CCDC66: variants seen among roughly 807,000 people sequenced by gnomAD.
The protein encoded by CCDC66 is coiled-coil domain containing 66.
Under a neutral mutation model 128.3 loss-of-function variants are expected in CCDC66, and 133 were observed. The observed-to-expected ratio is 1.04, with a 90% confidence interval of 0.90 to 1.20. CCDC66 has a LOEUF of 1.20. CCDC66 is among the 50% of genes most tolerant of loss of function. CCDC66 has a pLI of 0.00. For missense variants in CCDC66, 1,126 were observed against 1,075.5 expected (o/e 1.05, Z -0.66); for synonymous variants, 387 against 357.0 (o/e 1.08, Z -0.95).
chr3:56,569,746 C>T (rs1167187458), intron 6 of CCDC66: 1 of 152,218 alleles, frequency 6.6e-6, no homozygotes, highest in African/African-American at 2.4e-5. Context: ...TCTTTCAGCA[C>T]ATTCCACATC....
intron 6 of CCDC66, 62 bp from the exon 7 acceptor site, chr3:56,571,119 T>G (rs2066555953): frequency 7.8e-7 from 1 of 1,274,550 alleles, no homozygotes; most frequent in South Asian, 1.5e-5. Flanking sequence ...AGGTCAGATT[T>G]GTTTACATGG....
intron 7 of CCDC66, among the ~76,000 whole-genome samples, chr3:56,578,577 C>T (rs1318759899): frequency 1.3e-5 from 2 of 151,690 alleles, no homozygotes; most frequent in Non-Finnish European, 1.5e-5. Flanking sequence ...TTTTGAGATA[C>T]GTTCCATCAA....
At chr3:56,599,844 T>A (rs910846113) in intron 10 of CCDC66, among the ~76,000 whole-genome samples, 1 of 152,120 alleles carries the variant, frequency 6.6e-6, no homozygotes, top group African/African-American at 2.4e-5. Context: ...ATGAAAAGAA[T>A]GTGTATTCTC....
intron 14 of CCDC66, 196 bp from the exon 15 acceptor site, chr3:56,617,972 TAGAC>T (rs1195793958): frequency 1.7e-6 from 1 of 603,628 alleles, no homozygotes. Flanking sequence ...ATAGTCCACA[TAGAC>T]AGAGGTTTGG....
chr3:56,560,852 A>G (rs1319163960), intron 3 of CCDC66: 1 of 455,402 alleles, frequency 2.2e-6, no homozygotes. Flanking sequence ...GCCCCCTTTT[A>G]TCTTTGCAGT....
chr3:56,562,899 G>A (rs980692173), intron 3 of CCDC66, among the ~76,000 whole-genome samples: 2 of 151,068 alleles, frequency 1.3e-5, no homozygotes, highest in East Asian at 2.0e-4. Context: ...CACCCACCTC[G>A]GCCTCCCAAA....
chr3:56,585,991 T>C (rs907934198), intron 7 of CCDC66, among the ~76,000 whole-genome samples: 1 of 151,860 alleles, frequency 6.6e-6, no homozygotes, highest in Non-Finnish European at 1.5e-5. Context: ...CATATCTATA[T>C]TTAAAGAAAG....
intron 1 of CCDC66, 123 bp downstream of exon 1, chr3:56,557,376 C>G: frequency 7.6e-7 from 1 of 1,312,888 alleles, no homozygotes; most frequent in Non-Finnish European, 1.0e-6. Context: ...CCTGCGCCGC[C>G]GAGAGGGGCA....
chr3:56,617,418 A>G lies in CCDC66; in HGVS notation c.2150A>G (p.Glu717Gly), dbSNP rs759848599. The G allele has an allele frequency of 6.2e-7, 1 of 1,614,084 alleles. No individual in the cohort carries two copies. Among genetic ancestry groups the G allele is most frequent in the Non-Finnish European group, 8.5e-7 (1 of 1,179,978 alleles). ...CCTAAAAGGTATATTCCAGCATCAG[A>G]AAAGTACCCTAAACAGCTTCAAAAG... ...KPPKRYIPAS[E>G]KYPKQLQKQR... The change falls in exon 14 of 18, where the codon GAA becomes GGA. Residue 717 changes from glutamate to glycine, a missense_variant. Coordinates refer to ENST00000394672, the MANE Select transcript of CCDC66 (RefSeq NM_001141947.3).
At chr3:56,604,545 T>C (rs1193107631) in intron 10 of CCDC66, among the ~76,000 whole-genome samples, 1 of 151,986 alleles carries the variant, frequency 6.6e-6, no homozygotes, top group African/African-American at 2.4e-5. Flanking sequence ...AAACTGAGTT[T>C]GGCTGGATAT....
intron 10 of CCDC66, among the ~76,000 whole-genome samples, chr3:56,605,656 G>A (rs559621001): frequency 1.3e-5 from 2 of 152,144 alleles, no homozygotes; most frequent in African/African-American, 4.8e-5. Flanking sequence ...TCGTCCCAGA[G>A]GGGCACCCGT....
chr3:56,587,276 T>C (rs931798319), intron 7 of CCDC66, among the ~76,000 whole-genome samples: 1 of 151,968 alleles, frequency 6.6e-6, no homozygotes, highest in African/African-American at 2.4e-5. Context: ...TAGGTTCACA[T>C]TACATAGAAT....
chr3:56,562,708 G>A (rs62255969), intron 3 of CCDC66, among the ~76,000 whole-genome samples: 12,583 of 151,996 alleles, frequency 0.083, 735 homozygotes, highest in African/African-American at 0.17. Context: ...GCACGATCTC[G>A]GTTCACTGCA....
chr3:56,574,082 C>T (rs1375472715), intron 7 of CCDC66, among the ~76,000 whole-genome samples: 5 of 151,388 alleles, frequency 3.3e-5, no homozygotes, highest in Non-Finnish European at 1.5e-5. Context: ...ATGCAGTTTT[C>T]GCTGGGTGCA....
chr3:56,565,917 T>C (rs976302027), intron 4 of CCDC66, among the ~76,000 whole-genome samples: 23 of 151,712 alleles, frequency 1.5e-4, no homozygotes, highest in African/African-American at 4.8e-4. Context: ...CCGCCCACCT[T>C]GGCCTCCCAA....
intron 10 of CCDC66, among the ~76,000 whole-genome samples, chr3:56,608,919 G>A (rs1047504982): frequency 7.9e-5 from 12 of 152,110 alleles, no homozygotes; most frequent in African/African-American, 2.9e-4. Context: ...TGGTTTTGAA[G>A]GTTCCTTTTG....
intron 15 of CCDC66, chr3:56,619,063 C>T (rs2075965470): frequency 2.2e-6 from 1 of 445,592 alleles, no homozygotes; most frequent in Non-Finnish European, 3.9e-6. Flanking sequence ...ACTAAAAATA[C>T]AGAAACTAGC....
chr3:56,605,028 ATCACTGATACCCTT>A (rs1191540078), intron 10 of CCDC66, among the ~76,000 whole-genome samples: 1 of 151,918 alleles, frequency 6.6e-6, no homozygotes, highest in Non-Finnish European at 1.5e-5. Context: ...TTGATCTTCA[ATCACTGATACCCTT>A]TCTTACGCTT....
chr3:56,600,197 G>A (rs1408221441), intron 10 of CCDC66, among the ~76,000 whole-genome samples: 1 of 147,698 alleles, frequency 6.8e-6, no homozygotes, highest in Non-Finnish European at 1.5e-5. Context: ...TCGCCAGGCT[G>A]GAGTGCAGTG....
Sources: gnomAD v4.1 joint callset for allele counts (sites outside exome capture counted in the v4.1 genomes callset) on GRCh38, gnomAD v4.1.1 for gene constraint, MANE v1.5 for transcripts, NCBI Gene and HGNC (gene_info 2026-07-23, HGNC 2026-07-21) for gene names.